PCDH15: variants seen among roughly 807,000 people sequenced by gnomAD.
PCDH15 encodes protocadherin-15.
In PCDH15, 129 loss-of-function variants were observed where a neutral mutation model predicts 178.5. That is an observed-to-expected ratio of 0.72 (90% CI 0.63 to 0.84). PCDH15 has a LOEUF of 0.84. Ranked by LOEUF, PCDH15 falls within the 40% of genes least tolerant of loss-of-function variation. PCDH15 has a pLI of 0.00. For missense variants in PCDH15, 2,230 were observed against 2,099.9 expected, an observed-to-expected ratio of 1.06 and a Z score of -1.21; for synonymous variants, 800 against 732.0, an observed-to-expected ratio of 1.09 and a Z score of -1.50.
chr10:54,882,874 CGCCATA>C (rs1433153699), intron 3 of PCDH15, among the ~76,000 whole-genome samples: 1 of 151,986 alleles, frequency 6.6e-6, no homozygotes, highest in Non-Finnish European at 1.5e-5. Flanking sequence ...GATGTACTGT[CGCCATA>C]GCCATAAACA....
chr10:54,320,687 GA>G (rs2061547423), intron 7 of PCDH15, among the ~76,000 whole-genome samples: 1 of 151,900 alleles, frequency 6.6e-6, no homozygotes, highest in Non-Finnish European at 1.5e-5. Flanking sequence ...ATAGACAAAT[GA>G]TGTAATGATT....
intron 1 of PCDH15, among the ~76,000 whole-genome samples, chr10:54,766,941 A>AAAC (rs1566177772): frequency 1.3e-5 from 2 of 148,566 alleles, no homozygotes; most frequent in African/African-American, 2.6e-5. Flanking sequence ...AAAAAACAAA[A>AAAC]AAAAAAATCT....
At chr10:54,365,256 G>T (rs1247336401) in intron 5 of PCDH15, among the ~76,000 whole-genome samples, 3 of 151,924 alleles carry the variant, frequency 2.0e-5, no homozygotes, top group African/African-American at 4.8e-5. Context: ...CTAAAACAGG[G>T]ATATTCCTTC....
chr10:55,078,730 G>A (rs1391427033), intron 2 of PCDH15, among the ~76,000 whole-genome samples: 4 of 151,980 alleles, frequency 2.6e-5, no homozygotes, highest in Non-Finnish European at 5.9e-5. Context: ...TGTTACCTGA[G>A]CAGTATACAC....
intron 3 of PCDH15, among the ~76,000 whole-genome samples, chr10:54,823,406 A>G (rs933738645): frequency 1.3e-5 from 2 of 152,146 alleles, no homozygotes; most frequent in African/African-American, 4.8e-5. Flanking sequence ...AAAGACTTAC[A>G]GTTGTTATGT....
intron 3 of PCDH15, among the ~76,000 whole-genome samples, chr10:54,457,068 T>C (rs1214383325): frequency 6.6e-6 from 1 of 152,172 alleles, no homozygotes; most frequent in Non-Finnish European, 1.5e-5. Flanking sequence ...TTTTCAGCTT[T>C]TGTTTCTTAG....
Position 54,560,173 on chromosome 10 carries a change from G to A in PCDH15, c.92-32296C>T, listed in dbSNP as rs556027397. On this transcript the variant is annotated intron_variant, in intron 2 of 37. Coordinates refer to ENST00000644397, the MANE Select transcript of PCDH15 (RefSeq NM_001384140.1). The stretch of plus-strand genomic sequence containing the variant: ...TTCTGCTTTAGTTTTTACATGAATG[G>A]TCCTAATGTCCGCCTATAGAAGATT... Among the ~76,000 whole-genome samples the A allele has an allele frequency of 1.6e-4, 24 of 152,086 alleles. No homozygotes were observed. In the South Asian group the frequency reaches 4.8e-3, roughly 30 times the overall value.
intron 2 of PCDH15, among the ~76,000 whole-genome samples, chr10:54,966,878 T>C (rs1361177973): frequency 6.6e-6 from 1 of 152,136 alleles, no homozygotes; most frequent in African/African-American, 2.4e-5. Context: ...CTCAGGTATA[T>C]CTTTATCAGC....
intron 20 of PCDH15, among the ~76,000 whole-genome samples, chr10:54,019,459 T>C (rs1273945749): frequency 1.6e-4 from 24 of 152,074 alleles, no homozygotes; most frequent in Admixed American, 1.6e-3. Context: ...GGTCCTTCTT[T>C]GGGGAAGGAG....
At chr10:55,528,215 A>AT (rs1554881292) in intron 2 of PCDH15, among the ~76,000 whole-genome samples, 2,923 of 151,268 alleles carry the variant, frequency 0.019, 102 homozygotes, top group African/African-American at 0.067. Flanking sequence ...TTTTTATTTT[A>AT]TTATTTATTT....
At chr10:55,418,752 T>A (rs1215806314) in intron 2 of PCDH15, among the ~76,000 whole-genome samples, 1 of 151,828 alleles carries the variant, frequency 6.6e-6, no homozygotes. Context: ...ATGAAAGTCA[T>A]AATAAAATCA....
rs200017122 is a variant in PCDH15 at position 54,215,346 on chromosome 10, A to G, written c.986-1298T>C. Among the ~76,000 whole-genome samples the G allele has an allele frequency of 6.3e-3, 104 of 16,640 alleles. 9 individuals are homozygous for G. Among genetic ancestry groups the G allele is most frequent in the East Asian group, 0.027 (101 of 3,702 alleles). The allele number at this position is 16,640 out of a possible 152,430, so 10.9% of individuals were successfully genotyped here. On this transcript the variant is annotated intron_variant, in intron 9 of 37. Transcript: ENST00000644397. Reference sequence around the variant, plus strand: ...TTCTACTGGGCAGTAAATGAGGGGGAAAAAAAACAGAAACATATTTCACAC... The same window carrying G: ...TTCTACTGGGCAGTAAATGAGGGGGGAAAAAAACAGAAACATATTTCACAC...
At chr10:55,075,366 A>ATTTTTTTTTTT (rs34779284) in intron 2 of PCDH15, among the ~76,000 whole-genome samples, 1 of 132,328 alleles carries the variant, frequency 7.6e-6, no homozygotes, top group East Asian at 2.2e-4. Flanking sequence ...TTTTGTTTAA[A>ATTTTTTTTTTT]TTTTTTTTTT....
chr10:54,078,442 C>A (rs2094380509), intron 17 of PCDH15, among the ~76,000 whole-genome samples: 1 of 151,446 alleles, frequency 6.6e-6, no homozygotes, highest in African/African-American at 2.4e-5. Flanking sequence ...ATACTTTCAG[C>A]CAATGTAGTA....
At chr10:54,282,884 G>C (rs2058787051) in intron 8 of PCDH15, among the ~76,000 whole-genome samples, 1 of 152,068 alleles carries the variant, frequency 6.6e-6, no homozygotes. Context: ...TGTGGTCAGT[G>C]CTTTGGGGGG....
chr10:54,724,858 G>A (rs193276276), intron 1 of PCDH15, among the ~76,000 whole-genome samples: 27 of 150,672 alleles, frequency 1.8e-4, no homozygotes, highest in African/African-American at 6.3e-4. Flanking sequence ...GCATAGTGGT[G>A]GGGATTGGGC....
At position 55,383,885 on chromosome 10, in the gene PCDH15, G is replaced by A. The variant is rs1837593851; in HGVS notation, c.-155-217234C>T. Reference sequence around the variant, plus strand: ...TGCACTAACTGGGGAATTGTAGAGTGTGTATGCGTGAATTATCATACAAAA... The same window carrying A: ...TGCACTAACTGGGGAATTGTAGAGTATGTATGCGTGAATTATCATACAAAA... On this transcript the variant is annotated intron_variant, in intron 2 of 5. Transcript: ENST00000613346. Among the ~76,000 whole-genome samples, 3 of 152,124 alleles carry A rather than the reference G, an allele frequency of 2.0e-5. No individual in the cohort carries two copies. The South Asian group carries it at 6.2e-4, about 31-fold the overall frequency.
At chr10:55,283,224 A>C (rs925184213) in intron 1 of PCDH15, among the ~76,000 whole-genome samples, 1 of 152,054 alleles carries the variant, frequency 6.6e-6, no homozygotes, top group Non-Finnish European at 1.5e-5. Context: ...CCAGTTCAAT[A>C]AGCTGTTTTA....
chr10:53,854,181 T>C (rs1184381319), intron 28 of PCDH15, among the ~76,000 whole-genome samples: 1 of 151,936 alleles, frequency 6.6e-6, no homozygotes, highest in African/African-American at 2.4e-5. Flanking sequence ...TACTGCAAAT[T>C]TCCACTTTTA....
Sources: allele counts gnomAD v4.1 joint callset (sites outside exome capture counted in the v4.1 genomes callset), GRCh38; gene constraint gnomAD v4.1.1; transcripts MANE v1.5; gene names NCBI Gene and HGNC (gene_info 2026-07-23, HGNC 2026-07-21).